ZFAND4: variants seen among roughly 807,000 people sequenced by gnomAD.
ZFAND4 encodes the protein AN1-type zinc finger protein 4.
ZFAND4 carries 43 observed loss-of-function variants against 64.4 expected under a neutral mutation model. The ratio of observed to expected loss-of-function variants is 0.67; its 90% CI spans 0.52 to 0.86. The LOEUF (loss-of-function observed/expected upper bound fraction) is 0.86. ZFAND4 is among the 40% of genes least tolerant of loss of function. ZFAND4 has a pLI of 0.00. For missense variants in ZFAND4, 929 were observed against 859.8 expected, an observed-to-expected ratio of 1.08 and a Z score of -1.01; for synonymous variants, 296 against 305.7, an observed-to-expected ratio of 0.97 and a Z score of 0.33.
At chr10:45,635,794 A>G (rs1337591443) in intron 6 of ZFAND4, among the ~76,000 whole-genome samples, 1 of 152,218 alleles carries the variant, frequency 6.6e-6, no homozygotes, top group Admixed American at 6.5e-5. Context: ...AAACTTCTGG[A>G]GATTGGTTGC....
chr10:45,669,613 T>C (rs1469668063), intron 1 of ZFAND4, among the ~76,000 whole-genome samples: 4 of 152,158 alleles, frequency 2.6e-5, no homozygotes, highest in Admixed American at 1.3e-4. Context: ...CTGATGAACA[T>C]CTATGCGAAA....
At position 45,643,669 on chromosome 10, in the gene ZFAND4, CAAAA is replaced by C. The variant is rs755281191; in HGVS notation, c.570-3710_570-3707del. On this transcript the variant is annotated intron_variant, in intron 5 of 9. Coordinates refer to ENST00000344646, the MANE Select transcript of ZFAND4 (RefSeq NM_174890.4). ...TGGGTGACAGAGCAAGACTCCATCT[CAAAA>C]AAAAAAAAAAAAAAAAAAATACCAG... 9.2e-3 allele frequency among the ~76,000 whole-genome samples: 518 copies of C among 56,036 alleles called. 3 individuals are homozygous for C. The highest frequency in any genetic ancestry group is 0.028 in the African/African-American group (491 of 17,316). The allele number at this position is 56,036 out of a possible 152,430, so 36.8% of individuals were successfully genotyped here. A position where few individuals can be genotyped will look rare whatever the true frequency, so the allele number is the denominator to read the frequency against.
rs183025299 is a variant in ZFAND4 at position 45,627,706 on chromosome 10, G to A, written c.718-601C>T. On this transcript the variant is annotated intron_variant, in intron 6 of 9. Transcript: ENST00000344646. ...TGCTTTCCTTTTGGGAGTCTGAACC[G>A]CAAATGCTAGGCAGAGGGTGCCTAC... Among the ~76,000 whole-genome samples the A allele has an allele frequency of 3.2e-3, 492 of 152,234 alleles. 2 individuals carry two copies. Among genetic ancestry groups the A allele is most frequent in the Admixed American group, 4.5e-3 (69 of 15,284 alleles).
rs1360484969 is a variant in ZFAND4 at position 45,672,593 on chromosome 10, G to C, written c.-461C>G. The C allele has an allele frequency of 1.3e-5, 2 of 151,892 alleles. No homozygotes were observed. Among genetic ancestry groups the C allele is most frequent in the African/African-American group, 4.8e-5 (2 of 41,402 alleles). 9.4% of individuals were successfully genotyped at this position (151,892 alleles called of 1,614,324 possible). A position where few individuals can be genotyped will look rare whatever the true frequency, so the allele number is the denominator to read the frequency against. On this transcript the variant is annotated 5_prime_UTR_variant, in exon 1 of 10. Coordinates refer to ENST00000344646, the MANE Select transcript of ZFAND4 (RefSeq NM_174890.4). ...CGGCCTTGCGCCATTCCGGCCCCAC[G>C]ACGGCCGGCGGCGGCAGCGCGGCTG...
At position 45,640,422 on chromosome 10, in the gene ZFAND4, C is replaced by CT. The variant is rs781728247; in HGVS notation, c.570-460dup. 1,754 of 687,360 alleles carry CT rather than the reference C, an allele frequency of 2.6e-3. 25 individuals carry two copies. The African/African-American group carries it at 0.046, about 18-fold the overall frequency. The allele number at this position is 687,360 out of a possible 1,614,324, so 42.6% of individuals were successfully genotyped here. On this transcript the variant is annotated intron_variant, in intron 5 of 9. Coordinates refer to ENST00000344646, the MANE Select transcript of ZFAND4 (RefSeq NM_174890.4). Reference sequence around the variant, plus strand: ...TTTAGTCATCCTGAGGAGATTCTCACTAAAAAAAAAAAAAAAAAAAGAATT... The same window carrying CT: ...TTTAGTCATCCTGAGGAGATTCTCACTTAAAAAAAAAAAAAAAAAAAGAATT...
chr10:45,649,238 T>C (rs1339514711), intron 4 of ZFAND4, among the ~76,000 whole-genome samples: 1 of 152,142 alleles, frequency 6.6e-6, no homozygotes, highest in African/African-American at 2.4e-5. Context: ...CCTATCTTTT[T>C]CTTTCTGGTT....
At chr10:45,641,555 G>A (rs910257240) in intron 5 of ZFAND4, among the ~76,000 whole-genome samples, 1 of 152,120 alleles carries the variant, frequency 6.6e-6, no homozygotes, top group East Asian at 1.9e-4. Context: ...TTAATTACAC[G>A]CACTATACGC....
intron 8 of ZFAND4, among the ~76,000 whole-genome samples, chr10:45,622,454 C>G (rs773167654): frequency 6.6e-6 from 1 of 152,120 alleles, no homozygotes; most frequent in African/African-American, 2.4e-5. Flanking sequence ...GGATATGACA[C>G]CAAAGGCACA....
intron 4 of ZFAND4, chr10:45,651,606 T>C (rs1215890590): frequency 4.2e-6 from 2 of 474,922 alleles, no homozygotes; most frequent in Non-Finnish European, 8.7e-6. Context: ...AAAACGATCA[T>C]CATCTTGGGA....
At position 45,652,030 on chromosome 10, in the gene ZFAND4, A is replaced by T; in HGVS notation, c.264T>A (p.Ile88=). The T allele has an allele frequency of 6.2e-7, 1 of 1,613,800 alleles. No individual in the cohort carries two copies. The change falls in exon 4 of 10, where the codon ATT becomes ATA. Residue 88 remains isoleucine (I), a synonymous_variant. Transcript: ENST00000344646. The part of the protein sequence containing the change: ...ENDYCLNDYN[I]SEGCTLKLVL... ...CTAGCTTCAAGGTACACCCTTCTGA[A>T]ATGCTGTGGATAGTTAACACAAAAA...
At chr10:45,649,711 A>C (rs1464365072) in intron 4 of ZFAND4, 2 of 152,234 alleles carry the variant, frequency 1.3e-5, no homozygotes, top group Non-Finnish European at 2.9e-5. Context: ...ATTAAAAGAC[A>C]CTTTTCAAAC....
intron 8 of ZFAND4, among the ~76,000 whole-genome samples, chr10:45,623,333 C>CA (rs1243034509): frequency 6.6e-6 from 1 of 152,144 alleles, no homozygotes; most frequent in Non-Finnish European, 1.5e-5. Flanking sequence ...TTCACAGCAC[C>CA]ATTATTCACA....
At position 45,616,045 on chromosome 10, in the gene ZFAND4, A is replaced by G. The variant is rs975008370; in HGVS notation, c.*391T>C. On this transcript the variant is annotated 3_prime_UTR_variant, in exon 10 of 10. Coordinates refer to ENST00000344646, the MANE Select transcript of ZFAND4 (RefSeq NM_174890.4). ...GAAAAAGAAAAAACCCATATGGTCA[A>G]TCTGAGTAGAGCCATTCATTACATG... 1 of 156,000 alleles carries G rather than the reference A, an allele frequency of 6.4e-6. No individual in the cohort carries two copies. Among genetic ancestry groups the G allele is most frequent in the Non-Finnish European group, 1.4e-5 (1 of 70,426 alleles). The allele number at this position is 156,000 out of a possible 1,614,324, so 9.7% of individuals were successfully genotyped here. A position where few individuals can be genotyped will look rare whatever the true frequency, so the allele number is the denominator to read the frequency against.
At chr10:45,632,709 T>C (rs1008889259) in intron 6 of ZFAND4, among the ~76,000 whole-genome samples, 7 of 152,046 alleles carry the variant, frequency 4.6e-5, no homozygotes, top group Admixed American at 4.6e-4. Context: ...TATATACAGA[T>C]ACACACAAAA....
rs2133570112 is a variant in ZFAND4 at position 45,626,285 on chromosome 10, T to C, written c.1538A>G (p.Gln513Arg). ...QPSSSQSLDV[Q>R]NITDSSFSRT... ...AGAGAAAGAAGAATCAGTTATGTTT[T>C]GAACATCCAGTGACTGAGAAGAAGA... is the stretch of plus-strand genomic sequence containing the variant. The change falls in exon 7 of 10, where the codon CAA becomes CGA. Residue 513 changes from glutamine to arginine, a missense_variant. Physicochemically the swap from Gln to Arg is conservative, Grantham distance 43 (BLOSUM62 1). Coordinates refer to ENST00000344646, the MANE Select transcript of ZFAND4 (RefSeq NM_174890.4). 1 of 1,614,200 alleles carries C rather than the reference T, an allele frequency of 6.2e-7. No homozygotes were observed.
chr10:45,662,446 G>A, intron 2 of ZFAND4: 1 of 270,172 alleles, frequency 3.7e-6, no homozygotes, highest in Non-Finnish European at 5.7e-6. Flanking sequence ...ATTCATGAAA[G>A]AGATAAAAAG....
At position 45,658,963 on chromosome 10, in the gene ZFAND4, C is replaced by T. The variant is rs539780719; in HGVS notation, c.184+4579G>A. 2.0e-5 allele frequency among the ~76,000 whole-genome samples: 3 copies of T among 152,232 alleles called. No individual in the cohort carries two copies. In the South Asian group the frequency reaches 6.2e-4, roughly 32 times the overall value. ...GAAATTAGGTAGTAAGGTAAATCAC[C>T]ATAAGAAAATCTGTTGAGATAGGCA... On this transcript the variant is annotated intron_variant, in intron 2 of 9. Transcript: ENST00000344646.
At chr10:45,627,785 G>A (rs1044042230) in intron 6 of ZFAND4, among the ~76,000 whole-genome samples, 4 of 152,224 alleles carry the variant, frequency 2.6e-5, no homozygotes, top group African/African-American at 7.2e-5. Flanking sequence ...GAGCCTCCCC[G>A]GTAAACAACA....
At chr10:45,665,743 C>G (rs2048785466) in intron 1 of ZFAND4, among the ~76,000 whole-genome samples, 1 of 152,232 alleles carries the variant, frequency 6.6e-6, no homozygotes, top group Non-Finnish European at 1.5e-5. Flanking sequence ...GTCCCCCACT[C>G]AACCCTAGGC....
Sources: gnomAD v4.1 joint callset for allele counts (sites outside exome capture counted in the v4.1 genomes callset) on GRCh38, gnomAD v4.1.1 for gene constraint, MANE v1.5 for transcripts, NCBI Gene and HGNC (gene_info 2026-07-23, HGNC 2026-07-21) for gene names.